Variants in CSMD1 observed in about 807,000 individuals in gnomAD.
The protein encoded by CSMD1 is CUB and Sushi multiple domains 1.
Under a neutral mutation model 417.5 loss-of-function variants are expected in CSMD1, and 213 were observed. The ratio of observed to expected loss-of-function variants is 0.51; its 90% CI spans 0.46 to 0.57. The LOEUF (loss-of-function observed/expected upper bound fraction) is 0.57, where lower values mean the gene tolerates loss of function less well. Ranked by LOEUF, CSMD1 falls within the 20% of genes least tolerant of loss-of-function variation. The pLI is 0.00. For synonymous variants in CSMD1, 2,862 were observed against 1,736.8 expected (o/e 1.65, Z -16.11); for missense variants, 6,923 against 4,529.7 (o/e 1.53, Z -15.17).
chr8:3,960,639 T>G (rs1405093726), intron 5 of CSMD1, among the ~76,000 whole-genome samples: 1 of 151,796 alleles, frequency 6.6e-6, no homozygotes, highest in Non-Finnish European at 1.5e-5. Context: ...TAATATGCAC[T>G]GATTAATTGA....
chr8:4,922,233 T>C (rs1452744935), intron 1 of CSMD1, among the ~76,000 whole-genome samples: 3 of 152,084 alleles, frequency 2.0e-5, no homozygotes, highest in Non-Finnish European at 4.4e-5. Flanking sequence ...TAATGTACCT[T>C]CAGTTCTAAT....
At chr8:3,009,089 A>T (rs1808187336) in intron 52 of CSMD1, among the ~76,000 whole-genome samples, 1 of 152,182 alleles carries the variant, frequency 6.6e-6, no homozygotes, top group South Asian at 2.1e-4. Flanking sequence ...CAGCGGACAG[A>T]CCTGGAGCCG....
chr8:3,656,977 G>C (rs1433329510), intron 7 of CSMD1, among the ~76,000 whole-genome samples: 1 of 151,840 alleles, frequency 6.6e-6, no homozygotes, highest in African/African-American at 2.4e-5. Flanking sequence ...GCCAATCAGT[G>C]AATTTTAGGA....
chr8:3,786,438 G>T (rs9644355), intron 5 of CSMD1, among the ~76,000 whole-genome samples: 7 of 152,052 alleles, frequency 4.6e-5, no homozygotes, highest in African/African-American at 1.4e-4. Context: ...ACGAGAGAAA[G>T]CATCTGTAAA....
intron 37 of CSMD1, among the ~76,000 whole-genome samples, chr8:3,179,104 C>G (rs1821131287): frequency 6.6e-6 from 1 of 151,722 alleles, no homozygotes; most frequent in South Asian, 2.1e-4. Flanking sequence ...CGCCACCACG[C>G]CTGGCTAATT....
At chr8:3,323,605 C>G (rs1806295023) in intron 23 of CSMD1, among the ~76,000 whole-genome samples, 1 of 152,200 alleles carries the variant, frequency 6.6e-6, no homozygotes, top group African/African-American at 2.4e-5. Context: ...AATTTTATAG[C>G]ATTTCAGTAC....
intron 10 of CSMD1, among the ~76,000 whole-genome samples, chr8:3,561,745 A>C (rs1202464770): frequency 6.6e-6 from 1 of 152,196 alleles, no homozygotes; most frequent in Non-Finnish European, 1.5e-5. Flanking sequence ...ATGTGACAAA[A>C]CTGGACATAT....
intron 1 of CSMD1, among the ~76,000 whole-genome samples, chr8:4,762,348 T>C (rs1384537688): frequency 6.6e-6 from 1 of 152,186 alleles, no homozygotes; most frequent in Non-Finnish European, 1.5e-5. Context: ...TTTATACCAG[T>C]AAACTTTGTT....
intron 5 of CSMD1, among the ~76,000 whole-genome samples, chr8:3,916,944 G>A (rs1427191045): frequency 3.3e-5 from 5 of 152,132 alleles, no homozygotes; most frequent in Non-Finnish European, 7.4e-5. Context: ...ACTAAAAGCT[G>A]CTCCTTCTCC....
At position 4,337,277 on chromosome 8, in the gene CSMD1, A is replaced by C. The variant is rs917225891; in HGVS notation, c.415+82676T>G. Among the ~76,000 whole-genome samples, 6 of 152,086 alleles carry C rather than the reference A, an allele frequency of 3.9e-5. No homozygotes were observed. In the South Asian group the frequency reaches 8.3e-4, roughly 21 times the overall value. Reference sequence around the variant, plus strand: ...ATAGCATCATGGCAACTAAATGCTTAATTTCTGCTTGACATTTTTCTCTGC... The same window carrying C: ...ATAGCATCATGGCAACTAAATGCTTCATTTCTGCTTGACATTTTTCTCTGC... On this transcript the variant is annotated intron_variant, in intron 3 of 69. Coordinates refer to ENST00000635120, the MANE Select transcript of CSMD1 (RefSeq NM_033225.6).
intron 3 of CSMD1, among the ~76,000 whole-genome samples, chr8:4,320,020 A>G (rs1490484730): frequency 6.6e-6 from 1 of 152,182 alleles, no homozygotes; most frequent in Non-Finnish European, 1.5e-5. Flanking sequence ...TACTCAAAGT[A>G]CCACCTCAAC....
chr8:3,214,360 G>C, intron 30 of CSMD1, 137 bp downstream of exon 30: 1 of 699,198 alleles, frequency 1.4e-6, no homozygotes, highest in Non-Finnish European at 2.3e-6. Context: ...ACTGATATTC[G>C]TTCCACACTA....
intron 67 of CSMD1, among the ~76,000 whole-genome samples, chr8:2,949,873 T>G (rs545672323): frequency 6.6e-6 from 1 of 152,132 alleles, no homozygotes; most frequent in Non-Finnish European, 1.5e-5. Flanking sequence ...TGGGAATGAT[T>G]TCTTTTAGAA....
At chr8:3,394,462 C>T (rs1261081875) in intron 17 of CSMD1, among the ~76,000 whole-genome samples, 2 of 151,988 alleles carry the variant, frequency 1.3e-5, no homozygotes, top group African/African-American at 4.8e-5. Context: ...CTTTGGAACA[C>T]ATTCCCTCAA....
At chr8:3,657,461 A>G (rs183958439) in intron 7 of CSMD1, among the ~76,000 whole-genome samples, 12 of 152,288 alleles carry the variant, frequency 7.9e-5, no homozygotes, top group African/African-American at 2.2e-4. Context: ...CCCATCAATG[A>G]TAGACTGGAT....
chr8:4,158,589 C>T (rs1347293721), intron 3 of CSMD1, among the ~76,000 whole-genome samples: 1 of 152,142 alleles, frequency 6.6e-6, no homozygotes, highest in East Asian at 1.9e-4. Context: ...CCTCGTTCCC[C>T]TCCTTCTTAT....
At chr8:3,324,277 GGCC>G (rs1806364408) in intron 23 of CSMD1, among the ~76,000 whole-genome samples, 1 of 129,388 alleles carries the variant, frequency 7.7e-6, no homozygotes, top group Non-Finnish European at 1.6e-5. Flanking sequence ...TGTTAAAATA[GGCC>G]ACACCTAACC....
chr8:3,787,392 G>C (rs544416827), intron 5 of CSMD1, among the ~76,000 whole-genome samples: 1 of 151,964 alleles, frequency 6.6e-6, no homozygotes, highest in Non-Finnish European at 1.5e-5. Flanking sequence ...CAGATAACCA[G>C]GATTCTCCTG....
chr8:4,695,598 C>A (rs1029410079), intron 1 of CSMD1, among the ~76,000 whole-genome samples: 8 of 152,138 alleles, frequency 5.3e-5, no homozygotes, highest in African/African-American at 9.7e-5. Context: ...CTATCCCCCC[C>A]ACCACACAGC....
Sources: gnomAD v4.1 joint callset for allele counts (sites outside exome capture counted in the v4.1 genomes callset) on GRCh38, gnomAD v4.1.1 for gene constraint, MANE v1.5 for transcripts, NCBI Gene and HGNC (gene_info 2026-07-23, HGNC 2026-07-21) for gene names.